Variants in MEOX2 observed in about 807,000 individuals in gnomAD.
MEOX2 encodes the protein mesenchyme homeobox 2, also known as homeobox protein MOX-2.
A neutral mutation model predicts 27.0 loss-of-function variants in MEOX2; 11 were observed. The observed-to-expected ratio is 0.41, with a 90% CI of 0.26 to 0.68. The LOEUF (loss-of-function observed/expected upper bound fraction) is 0.68, where lower values mean the gene tolerates loss of function less well. Among genes scored for constraint, MEOX2 ranks in the 30% least tolerant of loss-of-function variants. The probability of loss-of-function intolerance (pLI) is 0.33; values close to 1 mark genes in which losing one functional copy is unlikely to be tolerated. For missense variants in MEOX2, 436 were observed against 385.4 expected, an observed-to-expected ratio of 1.13 and a Z score of -1.10; for synonymous variants, 189 against 155.4, an observed-to-expected ratio of 1.22 and a Z score of -1.61.
intron 1 of MEOX2, among the ~76,000 whole-genome samples, chr7:15,671,038 C>A (rs1202381468): frequency 6.6e-6 from 1 of 152,094 alleles, no homozygotes; most frequent in South Asian, 2.1e-4. Flanking sequence ...TAAGATTTGC[C>A]ATGTGTTGAT....
At position 15,653,797 on chromosome 7, in the gene MEOX2, T is replaced by C. The variant is rs13437840; in HGVS notation, c.518-26879A>G. ...ATATATGTTTCTGTGTCTCCACCAA[T>C]ACCACACAGTTTTGATTAATGTAGG... is the stretch of plus-strand genomic sequence containing the variant. On this transcript the variant is annotated intron_variant, in intron 1 of 2. Transcript: ENST00000262041. Among the ~76,000 whole-genome samples, 841 of 152,088 alleles carry C rather than the reference T, an allele frequency of 5.5e-3. 9 individuals are homozygous for C. The highest frequency in any genetic ancestry group is 0.019 in the African/African-American group (792 of 41,554).
intron 1 of MEOX2, chr7:15,668,110 T>C (rs759774680): frequency 1.3e-5 from 2 of 152,220 alleles, no homozygotes; most frequent in Non-Finnish European, 2.9e-5. Flanking sequence ...TGCATTTAAC[T>C]ACAGTTGACC....
chr7:15,668,998 C>T (rs1209762699), intron 1 of MEOX2, among the ~76,000 whole-genome samples: 2 of 152,038 alleles, frequency 1.3e-5, no homozygotes, highest in South Asian at 2.1e-4. Flanking sequence ...ACTATGTCCA[C>T]GGAAAAAACA....
At chr7:15,659,498 C>T (rs1053000368) in intron 1 of MEOX2, among the ~76,000 whole-genome samples, 4 of 152,078 alleles carry the variant, frequency 2.6e-5, no homozygotes, top group African/African-American at 9.7e-5. Context: ...CGGTGGCTCA[C>T]GCCTGTAATC....
chr7:15,633,349 T>C (rs961178196), intron 1 of MEOX2, among the ~76,000 whole-genome samples: 3 of 151,954 alleles, frequency 2.0e-5, no homozygotes, highest in African/African-American at 7.2e-5. Context: ...TTACTGCATA[T>C]TTGAGAAGAT....
intron 1 of MEOX2, among the ~76,000 whole-genome samples, chr7:15,650,783 G>C (rs1379714509): frequency 6.6e-6 from 1 of 152,018 alleles, no homozygotes; most frequent in Non-Finnish European, 1.5e-5. Context: ...TGCAATGAAA[G>C]AGTTGCTATT....
chr7:15,677,086 C>G (rs562480536), intron 1 of MEOX2, among the ~76,000 whole-genome samples: 1 of 152,094 alleles, frequency 6.6e-6, no homozygotes, highest in East Asian at 1.9e-4. Context: ...AATTTCATGC[C>G]GTTTACAATT....
In MEOX2 at chr7:15,686,330, A is replaced by T. The variant is rs921018168; in HGVS notation, c.73T>A (p.Ser25Thr). The T allele has an allele frequency of 1.9e-6, 3 of 1,604,440 alleles. No homozygotes were observed. The Admixed American group carries it at 5.1e-5, about 27-fold the overall frequency. Residue 25 changes from serine to threonine, a missense_variant, in exon 1 of 3, where the codon TCC (serine) becomes ACC (threonine). By Grantham distance (58) the Ser-to-Thr change is moderately conservative. Coordinates refer to ENST00000262041, the MANE Select transcript of MEOX2 (RefSeq NM_005924.5). ...TAQGLHPFSQSSLALHGRSDH... is the reference protein window; with the variant it reads ...TAQGLHPFSQTSLALHGRSDH... ...GATCTTCCATGGAGGGCGAGAGAGG[A>T]TTGGGAGAACGGGTGCAAGCCTTGC...
At chr7:15,683,103 C>A (rs1457996162) in intron 1 of MEOX2, among the ~76,000 whole-genome samples, 1 of 151,724 alleles carries the variant, frequency 6.6e-6, no homozygotes, top group Non-Finnish European at 1.5e-5. Flanking sequence ...GAGAAGCTTA[C>A]GTATTATAGT....
intron 1 of MEOX2, among the ~76,000 whole-genome samples, chr7:15,654,074 T>C (rs73288118): frequency 1.2e-3 from 189 of 152,088 alleles, no homozygotes; most frequent in African/African-American, 4.4e-3. Flanking sequence ...AGATCTTCTT[T>C]GATTTCCTTC....
intron 1 of MEOX2, chr7:15,679,654 A>T (rs1462804932): frequency 3.3e-5 from 5 of 152,090 alleles, no homozygotes; most frequent in Non-Finnish European, 7.4e-5. Flanking sequence ...AAGAATTGTC[A>T]TCAAGGTACA....
intron 1 of MEOX2, among the ~76,000 whole-genome samples, chr7:15,635,936 G>T (rs1781473082): frequency 6.6e-6 from 1 of 151,886 alleles, no homozygotes; most frequent in Non-Finnish European, 1.5e-5. Context: ...GTTTTATTTG[G>T]AAATTCAGTG....
intron 2 of MEOX2, among the ~76,000 whole-genome samples, chr7:15,621,691 C>T (rs536796094): frequency 9.2e-5 from 14 of 152,218 alleles, no homozygotes; most frequent in African/African-American, 3.4e-4. Flanking sequence ...GTAGGGGTAG[C>T]CACAAATAAC....
chr7:15,662,976 C>G lies in MEOX2; in HGVS notation c.517+22910G>C, dbSNP rs562090393. On this transcript the variant is annotated intron_variant, in intron 1 of 2. Transcript: ENST00000262041. Reference sequence around the variant, plus strand: ...GAACAGAAGCCCCACAATTAAGAGGCCTCCATACCATTTTATCAAATAATT... The same window carrying G: ...GAACAGAAGCCCCACAATTAAGAGGGCTCCATACCATTTTATCAAATAATT... Among the ~76,000 whole-genome samples the G allele has an allele frequency of 5.9e-5, 9 of 152,192 alleles. No individual in the cohort carries two copies. The South Asian group carries it at 8.3e-4, about 14-fold the overall frequency.
rs139485652 is a variant in MEOX2 at position 15,621,040 on chromosome 7, C to G, written c.690+5706G>C. ...ATATTAAAAATCTGGTGGGAGTTTT[C>G]TCCAAGTTTATCTGGATGGAGAAAA... On this transcript the variant is annotated intron_variant, in intron 2 of 2. Transcript: ENST00000262041. 3.7e-3 allele frequency among the ~76,000 whole-genome samples: 569 copies of G among 152,254 alleles called. 3 individuals carry two copies. Among genetic ancestry groups the G allele is most frequent in the Middle Eastern group, 6.8e-3 (2 of 294 alleles).
Position 15,678,590 on chromosome 7 carries a change from C to T in MEOX2, c.517+7296G>A, listed in dbSNP as rs566888034. The stretch of plus-strand genomic sequence containing the variant: ...TTTAGTTTGCTAGTTTTTTGGGTGG[C>T]TAAGAATAACCATCCAAATGTTTAC... On this transcript the variant is annotated intron_variant, in intron 1 of 2. Transcript: ENST00000262041. Among the ~76,000 whole-genome samples the T allele has an allele frequency of 6.6e-5, 10 of 152,248 alleles. No homozygotes were observed. The East Asian group carries it at 1.9e-3, about 29-fold the overall frequency.
intron 1 of MEOX2, among the ~76,000 whole-genome samples, chr7:15,677,084 G>A (rs1308602045): frequency 6.6e-6 from 1 of 152,104 alleles, no homozygotes; most frequent in African/African-American, 2.4e-5. Context: ...GAAATTTCAT[G>A]CCGTTTACAA....
intron 1 of MEOX2, among the ~76,000 whole-genome samples, chr7:15,644,099 G>A (rs1441059169): frequency 6.6e-6 from 1 of 152,150 alleles, no homozygotes; most frequent in Non-Finnish European, 1.5e-5. Context: ...GAGTGTCTGG[G>A]CTCTGTTTTC....
intron 1 of MEOX2, among the ~76,000 whole-genome samples, chr7:15,650,919 C>A (rs1306209059): frequency 6.6e-6 from 1 of 151,882 alleles, no homozygotes; most frequent in African/African-American, 2.4e-5. Flanking sequence ...GACTTGGAAA[C>A]AGAGAGGAGT....
Sources: gnomAD v4.1 joint callset for allele counts (sites outside exome capture counted in the v4.1 genomes callset) on GRCh38, gnomAD v4.1.1 for gene constraint, MANE v1.5 for transcripts, NCBI Gene and HGNC (gene_info 2026-07-23, HGNC 2026-07-21) for gene names.